The following SCN8A variants were observed in gnomAD, a reference collection of about 807,000 sequenced individuals.
SCN8A encodes the protein sodium voltage-gated channel alpha subunit 8.
In SCN8A, 30 loss-of-function variants were observed where a neutral mutation model predicts 184.1. The observed-to-expected ratio is 0.16, with a 90% CI of 0.12 to 0.22. The LOEUF is 0.22. Among genes scored for constraint, SCN8A ranks in the 10% least tolerant of loss-of-function variants. SCN8A has a pLI of 1.00. For synonymous variants in SCN8A, 852 were observed against 907.0 expected, an observed-to-expected ratio of 0.94 and a Z score of 1.09; for missense variants, 1,057 against 2,498.9, an observed-to-expected ratio of 0.42 and a Z score of 12.30.
At chr12:51,641,251 C>G (rs1028032924) in intron 1 of SCN8A, among the ~76,000 whole-genome samples, 3 of 152,140 alleles carry the variant, frequency 2.0e-5, no homozygotes, top group Non-Finnish European at 2.9e-5. Context: ...AAATACTACA[C>G]CATTTTACAT....
At chr12:51,595,414 CAT>C (rs1289029496) in intron 1 of SCN8A, among the ~76,000 whole-genome samples, 1 of 152,154 alleles carries the variant, frequency 6.6e-6, no homozygotes, top group African/African-American at 2.4e-5. Context: ...AGCCAGGACA[CAT>C]ATTTAAGTAC....
chr12:51,721,504 T>A (rs757459364), intron 11 of SCN8A, 42 bp from the exon 12 acceptor site: 67 of 1,540,938 alleles, frequency 4.3e-5, no homozygotes, highest in Non-Finnish European at 5.7e-5. Flanking sequence ...CACTCCCGTC[T>A]CATTTCCCCG....
intron 2 of SCN8A, among the ~76,000 whole-genome samples, chr12:51,664,498 G>A (rs554307233): frequency 2.0e-4 from 30 of 152,106 alleles, no homozygotes; most frequent in African/African-American, 7.2e-4. Context: ...GTGAGCCATC[G>A]CACCTGGCCT....
intron 12 of SCN8A, among the ~76,000 whole-genome samples, chr12:51,727,415 A>T (rs1224085532): frequency 6.6e-6 from 1 of 152,130 alleles, no homozygotes; most frequent in East Asian, 1.9e-4. Flanking sequence ...TTGCAAAAAA[A>T]AACCAAAAAA....
rs147729245 is a variant in SCN8A at position 51,786,919 on chromosome 12, G to GAATCA, written c.4227+94_4227+98dup. On this transcript the variant is annotated intron_variant, in intron 22 of 26. Coordinates refer to ENST00000627620, the MANE Select transcript of SCN8A (RefSeq NM_001330260.2). Reference sequence around the variant, plus strand: ...TGGCTTCTTCTCAACCCTACTTCTAGAATCAGGATTATTCTCAATAAGTCC... The same window carrying GAATCA: ...TGGCTTCTTCTCAACCCTACTTCTAGAATCAAATCAGGATTATTCTCAATAAGTCC... The GAATCA allele has an allele frequency of 1.7e-5, 20 of 1,210,996 alleles. No homozygotes were observed. In the African/African-American group the frequency reaches 2.8e-4, roughly 17 times the overall value. 75.0% of individuals were successfully genotyped at this position (1,210,996 alleles called of 1,614,324 possible). A position where few individuals can be genotyped will look rare whatever the true frequency, so the allele number is the denominator to read the frequency against.
intron 1 of SCN8A, among the ~76,000 whole-genome samples, chr12:51,600,156 A>T (rs1192946621): frequency 1.3e-5 from 2 of 152,214 alleles, no homozygotes; most frequent in Non-Finnish European, 2.9e-5. Flanking sequence ...TCTCACTGAT[A>T]AAGATTATTT....
At chr12:51,791,132 G>A (rs1369074605) in intron 25 of SCN8A, among the ~76,000 whole-genome samples, 1 of 152,090 alleles carries the variant, frequency 6.6e-6, no homozygotes, top group African/African-American at 2.4e-5. Context: ...CGGTTGGATG[G>A]GACATCACCC....
chr12:51,785,137 G>A (rs1345079794), intron 21 of SCN8A, among the ~76,000 whole-genome samples: 2 of 152,066 alleles, frequency 1.3e-5, no homozygotes, highest in Admixed American at 6.6e-5. Flanking sequence ...TGGTGCTCCC[G>A]CCAAAGGGTG....
chr12:51,671,132 A>C (rs1396511181), intron 2 of SCN8A, among the ~76,000 whole-genome samples: 1 of 152,214 alleles, frequency 6.6e-6, no homozygotes, highest in East Asian at 1.9e-4. Context: ...AGTATCTTAA[A>C]TAGGACTTCA....
chr12:51,780,668 T>C lies in SCN8A; in HGVS notation c.3839T>C (p.Ile1280Thr), dbSNP rs766666711. Residue 1280 changes from isoleucine (I) to threonine (T), a missense_variant, in exon 21 of 27, where the codon ATA becomes ACA. Physicochemically the swap from Ile to Thr is moderately conservative, Grantham distance 89 (BLOSUM62 -1). Around this residue, in one of 19 missense-constraint regions of SCN8A, gnomAD observed 43 missense variants for 118.4 expected, o/e 0.36. Coordinates refer to ENST00000627620, the MANE Select transcript of SCN8A (RefSeq NM_001330260.2). ...LIVAVSLVSL[I>T]ANALGYSELG... The stretch of plus-strand genomic sequence containing the variant: ...GTGTAGGTCTCTTTAGTCAGCCTTA[T>C]AGCTAATGCCCTGGGCTACTCGGAA... The C allele has an allele frequency of 2.0e-6, 3 of 1,523,602 alleles. No individual in the cohort carries two copies. The African/African-American group carries it at 4.5e-5, about 23-fold the overall frequency. 94.4% of individuals were successfully genotyped at this position (1,523,602 alleles called of 1,614,324 possible).
At chr12:51,783,973 T>A (rs1938003702) in intron 21 of SCN8A, among the ~76,000 whole-genome samples, 1 of 152,242 alleles carries the variant, frequency 6.6e-6, no homozygotes, top group Non-Finnish European at 1.5e-5. Flanking sequence ...TGTCTAGTTC[T>A]TAACAATAAT....
At chr12:51,744,428 G>C (rs1942476613) in intron 12 of SCN8A, among the ~76,000 whole-genome samples, 1 of 152,110 alleles carries the variant, frequency 6.6e-6, no homozygotes, top group South Asian at 2.1e-4. Flanking sequence ...GCCTCTTCCT[G>C]TGGCCACCAC....
intron 6 of SCN8A, among the ~76,000 whole-genome samples, chr12:51,690,416 G>A (rs191812622): frequency 4.6e-5 from 7 of 151,882 alleles, no homozygotes; most frequent in Non-Finnish European, 8.8e-5. Context: ...GGAGTGGTAC[G>A]ATGATGGCTC....
At chr12:51,616,543 C>T (rs968682662) in intron 1 of SCN8A, among the ~76,000 whole-genome samples, 3 of 151,672 alleles carry the variant, frequency 2.0e-5, no homozygotes, top group South Asian at 2.1e-4. Context: ...ACCCGGGAGG[C>T]GGAGGTACAG....
At chr12:51,744,324 G>T (rs752937537) in intron 12 of SCN8A, among the ~76,000 whole-genome samples, 3 of 152,268 alleles carry the variant, frequency 2.0e-5, no homozygotes, top group South Asian at 4.2e-4. Flanking sequence ...AAACCTTAGA[G>T]ATTTGCCTGA....
chr12:51,706,350 C>A, intron 10 of SCN8A, 72 bp from the exon 11 acceptor site: 1 of 1,404,308 alleles, frequency 7.1e-7, no homozygotes, highest in Non-Finnish European at 9.4e-7. Context: ...ATGTTCTGTA[C>A]TAACTGGTTG....
intron 11 of SCN8A, among the ~76,000 whole-genome samples, chr12:51,711,483 T>TTATAACTATAACTAGTTATAGAAGGTTA (rs1941875078): frequency 6.6e-6 from 1 of 152,230 alleles, no homozygotes; most frequent in Non-Finnish European, 1.5e-5. Context: ...AAAGAATCAC[T>TTATAACTATAACTAGTTATAGAAGGTTA]TATAACTATA....
At chr12:51,743,001 T>C (rs888165729) in intron 12 of SCN8A, among the ~76,000 whole-genome samples, 29 of 152,352 alleles carry the variant, frequency 1.9e-4, no homozygotes, top group African/African-American at 6.7e-4. Flanking sequence ...GAGACTCTAA[T>C]GCATTGTTTA....
chr12:51,674,118 C>G (rs1433089243), intron 2 of SCN8A, among the ~76,000 whole-genome samples: 1 of 152,084 alleles, frequency 6.6e-6, no homozygotes, highest in Non-Finnish European at 1.5e-5. Flanking sequence ...GGAGATAAAG[C>G]CTAGAGGCAG....
Sources: allele counts gnomAD v4.1 joint callset (sites outside exome capture counted in the v4.1 genomes callset), GRCh38; gene constraint gnomAD v4.1.1; regional missense constraint gnomAD v4.1.1; transcripts MANE v1.5; gene names NCBI Gene and HGNC (gene_info 2026-07-23, HGNC 2026-07-21).